The following KCNJ16 variants were observed in gnomAD, a reference collection of about 807,000 sequenced individuals.
KCNJ16 encodes the protein potassium inwardly rectifying channel subfamily J member 16.
In KCNJ16, 15 loss-of-function variants were observed where a neutral mutation model predicts 18.5. The ratio of observed to expected loss-of-function variants is 0.81; its 90% confidence interval spans 0.54 to 1.25. The LOEUF (loss-of-function observed/expected upper bound fraction) is 1.25, where lower values mean the gene tolerates loss of function less well. Among genes scored for constraint, KCNJ16 ranks in the 50% most tolerant of loss-of-function variants. The probability of loss-of-function intolerance (pLI) is 0.00; values close to 1 mark genes in which losing one functional copy is unlikely to be tolerated. For synonymous variants in KCNJ16, 174 were observed against 186.5 expected (o/e 0.93, Z 0.55); for missense variants, 523 against 525.7 (o/e 0.99, Z 0.05).
chr17:70,102,526 C>A (rs2072692630), intron 2 of KCNJ16, among the ~76,000 whole-genome samples: 1 of 152,092 alleles, frequency 6.6e-6, no homozygotes, highest in Non-Finnish European at 1.5e-5. Flanking sequence ...GCTACCTGCA[C>A]AAGTAGTTAT....
intron 1 of KCNJ16, among the ~76,000 whole-genome samples, chr17:70,091,769 C>G (rs1390380043): frequency 6.6e-6 from 1 of 152,196 alleles, no homozygotes; most frequent in Non-Finnish European, 1.5e-5. Context: ...GAACTGAATA[C>G]ATACCCTTGA....
chr17:70,106,150 G>A (rs535409822), intron 2 of KCNJ16, among the ~76,000 whole-genome samples: 11 of 152,168 alleles, frequency 7.2e-5, no homozygotes, highest in African/African-American at 2.6e-4. Flanking sequence ...AGGAGTAAAG[G>A]CACAGATAAT....
chr17:70,106,986 TTTC>T (rs1444471890), intron 2 of KCNJ16, among the ~76,000 whole-genome samples: 2 of 152,184 alleles, frequency 1.3e-5, no homozygotes, highest in African/African-American at 4.8e-5. Context: ...TTCCTGATGG[TTTC>T]TTCTACCATT....
chr17:70,124,307 T>C (rs1161016975), intron 2 of KCNJ16, among the ~76,000 whole-genome samples: 1 of 152,192 alleles, frequency 6.6e-6, no homozygotes, highest in Non-Finnish European at 1.5e-5. Flanking sequence ...CTATCAGAGA[T>C]TGTTCCTTTG....
At chr17:70,099,902 T>C (rs1423186875) in intron 1 of KCNJ16, among the ~76,000 whole-genome samples, 1 of 152,242 alleles carries the variant, frequency 6.6e-6, no homozygotes, top group Admixed American at 6.5e-5. Flanking sequence ...ATTTCAGATT[T>C]TGAAATCTAT....
intron 2 of KCNJ16, chr17:70,104,938 A>G (rs2072844504): frequency 6.6e-6 from 1 of 152,216 alleles, no homozygotes; most frequent in Non-Finnish European, 1.5e-5. Flanking sequence ...TCTCATCTCC[A>G]TGGCGGTAGG....
intron 1 of KCNJ16, among the ~76,000 whole-genome samples, chr17:70,093,450 G>A (rs1266390257): frequency 1.3e-5 from 2 of 152,062 alleles, no homozygotes; most frequent in Admixed American, 6.5e-5. Flanking sequence ...CTCCTGTAAG[G>A]ACACCAGTCG....
At chr17:70,112,614 T>C (rs778735480) in intron 2 of KCNJ16, among the ~76,000 whole-genome samples, 8 of 152,308 alleles carry the variant, frequency 5.3e-5, no homozygotes, top group African/African-American at 9.6e-5. Flanking sequence ...ATATTATCTA[T>C]CATTTATGTG....
chr17:70,110,508 A>G (rs2073141985), intron 2 of KCNJ16, among the ~76,000 whole-genome samples: 1 of 151,900 alleles, frequency 6.6e-6, no homozygotes, highest in African/African-American at 2.4e-5. Flanking sequence ...ACACAAACTC[A>G]TTTCCGGCAT....
chr17:70,080,235 C>T (rs1243337944), intron 1 of KCNJ16, among the ~76,000 whole-genome samples: 1 of 152,084 alleles, frequency 6.6e-6, no homozygotes, highest in African/African-American at 2.4e-5. Context: ...AGTCCTACCT[C>T]TGAATAACTG....
At chr17:70,112,792 T>C (rs2073243776) in intron 2 of KCNJ16, among the ~76,000 whole-genome samples, 1 of 152,178 alleles carries the variant, frequency 6.6e-6, no homozygotes, top group Non-Finnish European at 1.5e-5. Flanking sequence ...GTATCTAAAA[T>C]TATTGATTTT....
chr17:70,085,750 T>A (rs1011861762), intron 1 of KCNJ16, among the ~76,000 whole-genome samples: 25 of 152,136 alleles, frequency 1.6e-4, no homozygotes, highest in Admixed American at 1.5e-3. Flanking sequence ...TCTTTCTCTA[T>A]CAAAGCATTT....
At chr17:70,086,478 T>C (rs1441036688) in intron 1 of KCNJ16, among the ~76,000 whole-genome samples, 1 of 152,246 alleles carries the variant, frequency 6.6e-6, no homozygotes, top group Non-Finnish European at 1.5e-5. Flanking sequence ...ACTGCACTGC[T>C]TAAGACAAAA....
At chr17:70,097,076 A>G (rs1168752034) in intron 1 of KCNJ16, 1 of 384,304 alleles carries the variant, frequency 2.6e-6, no homozygotes. Context: ...TTTCATAATC[A>G]CACAAAGGAA....
At chr17:70,079,257 A>G (rs2071446862) in intron 1 of KCNJ16, among the ~76,000 whole-genome samples, 2 of 152,200 alleles carry the variant, frequency 1.3e-5, no homozygotes, top group Admixed American at 1.3e-4. Context: ...TGTATGTTAC[A>G]TTTTTGAAGC....
rs2071259135 is a variant in KCNJ16, at chr17:70,075,397, G to A, written c.-300+7G>A. ...GTGGGGAGAGTGAATAAAGGTAAGTGCTATTATTGCTATGGATACAATGTC... is the reference window on the plus strand; with the variant it reads ...GTGGGGAGAGTGAATAAAGGTAAGTACTATTATTGCTATGGATACAATGTC... On this transcript the variant is annotated splice_region_variant and intron_variant, in intron 1 of 3. Coordinates refer to ENST00000392671, the MANE Select transcript of KCNJ16 (RefSeq NM_170741.4). 1 of 152,180 alleles carries A rather than the reference G, an allele frequency of 6.6e-6. No homozygotes were observed. The highest frequency in any genetic ancestry group is 1.5e-5 in the Non-Finnish European group (1 of 68,040). The allele number at this position is 152,180 out of a possible 1,614,324, so 9.4% of individuals were successfully genotyped here.
At chr17:70,115,049 G>A (rs1029202811) in intron 2 of KCNJ16, among the ~76,000 whole-genome samples, 2 of 152,114 alleles carry the variant, frequency 1.3e-5, no homozygotes, top group African/African-American at 4.8e-5. Context: ...GTGCAAACGT[G>A]CACAGTCTTA....
intron 2 of KCNJ16, among the ~76,000 whole-genome samples, chr17:70,120,722 C>T (rs2073601550): frequency 6.6e-6 from 1 of 152,110 alleles, no homozygotes; most frequent in Non-Finnish European, 1.5e-5. Context: ...ATGAAGACAG[C>T]ACCAAGCCAT....
At chr17:70,083,725 C>A (rs2071662120) in intron 1 of KCNJ16, among the ~76,000 whole-genome samples, 1 of 151,372 alleles carries the variant, frequency 6.6e-6, no homozygotes, top group Non-Finnish European at 1.5e-5. Flanking sequence ...TGTTAAGTGA[C>A]ACATGACTGT....
Sources: allele counts gnomAD v4.1 joint callset (sites outside exome capture counted in the v4.1 genomes callset), GRCh38; gene constraint gnomAD v4.1.1; transcripts MANE v1.5; gene names NCBI Gene and HGNC (gene_info 2026-07-23, HGNC 2026-07-21).